The following NSMCE2 variants were observed in gnomAD, a reference collection of about 807,000 sequenced individuals.
NSMCE2 encodes the protein E3 SUMO-protein ligase NSE2.
A neutral mutation model predicts 23.8 loss-of-function variants in NSMCE2; 24 were observed. The observed-to-expected ratio is 1.01, with a 90% CI of 0.73 to 1.42. The LOEUF (loss-of-function observed/expected upper bound fraction) is 1.42, where lower values mean the gene tolerates loss of function less well. NSMCE2 is among the 40% of genes most tolerant of loss of function. The probability of loss-of-function intolerance (pLI) is 0.00; values close to 1 mark genes in which losing one functional copy is unlikely to be tolerated. For missense variants in NSMCE2, 284 were observed against 296.5 expected (o/e 0.96, Z 0.31); for synonymous variants, 92 against 94.1 (o/e 0.98, Z 0.13).
chr8:125,348,025 A>G (rs1020818806), intron 5 of NSMCE2, among the ~76,000 whole-genome samples: 8 of 152,248 alleles, frequency 5.3e-5, no homozygotes, highest in African/African-American at 1.9e-4. Flanking sequence ...TTCTCTCTCG[A>G]GACCTTCCTT....
intron 5 of NSMCE2, among the ~76,000 whole-genome samples, chr8:125,185,143 G>A (rs1426370045): frequency 2.6e-5 from 4 of 152,064 alleles, no homozygotes; most frequent in Admixed American, 2.6e-4. Context: ...GTGGGGAGAG[G>A]CCAAGATACA....
chr8:125,144,505 G>GAT (rs1308302572), intron 3 of NSMCE2, among the ~76,000 whole-genome samples: 1 of 152,180 alleles, frequency 6.6e-6, no homozygotes, highest in African/African-American at 2.4e-5. Context: ...ACTGGCGCCG[G>GAT]ATAAGCTCAT....
intron 5 of NSMCE2, among the ~76,000 whole-genome samples, chr8:125,249,288 T>A (rs1826113262): frequency 6.6e-6 from 1 of 152,222 alleles, no homozygotes; most frequent in Non-Finnish European, 1.5e-5. Context: ...AACAGGTTCC[T>A]TAAGATGAAT....
chr8:125,229,951 A>G (rs1825253194), intron 5 of NSMCE2, among the ~76,000 whole-genome samples: 1 of 152,138 alleles, frequency 6.6e-6, no homozygotes, highest in African/African-American at 2.4e-5. Flanking sequence ...TATATATTTT[A>G]AAAATTTAAT....
rs934462653 is a variant in NSMCE2 at position 125,351,560 on chromosome 8, G to A, written c.419-5659G>A. 4 of 152,010 alleles carry A rather than the reference G, an allele frequency of 2.6e-5. No homozygotes were observed. In the East Asian group the frequency reaches 5.8e-4, roughly 22 times the overall value. The allele number at this position is 152,010 out of a possible 1,614,324, so 9.4% of individuals were successfully genotyped here. On this transcript the variant is annotated intron_variant, in intron 5 of 7. Coordinates refer to ENST00000287437, the MANE Select transcript of NSMCE2 (RefSeq NM_173685.4). The stretch of plus-strand genomic sequence containing the variant: ...GCCGGCATATGCTTCTAACAACATC[G>A]TCTATGTATATAGAAAATAATATGA...
chr8:125,330,209 C>G (rs1353510640), intron 5 of NSMCE2, among the ~76,000 whole-genome samples: 6 of 132,262 alleles, frequency 4.5e-5, no homozygotes, highest in Admixed American at 2.7e-4. Context: ...GACAGTCTCT[C>G]TCTGTCACCC....
chr8:125,252,714 AAATC>A (rs1051189907), intron 5 of NSMCE2, among the ~76,000 whole-genome samples: 16 of 152,256 alleles, frequency 1.1e-4, no homozygotes, highest in Non-Finnish European at 2.1e-4. Context: ...GATGGTTTAA[AAATC>A]AATCATGCTT....
At chr8:125,356,325 G>GTTTTTTTTTTTTTTTTTT (rs1563803250) in intron 5 of NSMCE2, among the ~76,000 whole-genome samples, 1 of 125,160 alleles carries the variant, frequency 8.0e-6, no homozygotes, top group African/African-American at 2.8e-5. Flanking sequence ...TTAATTTTTT[G>GTTTTTTTTTTTTTTTTTT]GTTTTTTTTT....
intron 5 of NSMCE2, among the ~76,000 whole-genome samples, chr8:125,192,761 C>T (rs758815090): frequency 6.6e-6 from 1 of 152,166 alleles, no homozygotes; most frequent in Admixed American, 6.5e-5. Context: ...ATGGATTCTA[C>T]CCACTCTGGC....
intron 3 of NSMCE2, chr8:125,130,355 G>C (rs904302629): frequency 2.2e-6 from 1 of 445,316 alleles, no homozygotes; most frequent in Admixed American, 2.4e-5. Flanking sequence ...TACTGGAAAG[G>C]TACTTTTTTC....
intron 5 of NSMCE2, among the ~76,000 whole-genome samples, chr8:125,272,743 A>G (rs1827260403): frequency 1.5e-5 from 2 of 136,330 alleles, no homozygotes; most frequent in African/African-American, 5.5e-5. Context: ...ACACACACAT[A>G]TATATACACA....
chr8:125,257,238 T>G (rs1201265765), intron 5 of NSMCE2, among the ~76,000 whole-genome samples: 1 of 151,018 alleles, frequency 6.6e-6, no homozygotes, highest in Non-Finnish European at 1.5e-5. Flanking sequence ...GAGCTGAGAT[T>G]GTGTCACTGC....
chr8:125,210,882 C>T (rs777267297), intron 5 of NSMCE2, among the ~76,000 whole-genome samples: 2 of 151,990 alleles, frequency 1.3e-5, no homozygotes. Context: ...CAATATGCCA[C>T]TATGCCCGGC....
intron 5 of NSMCE2, among the ~76,000 whole-genome samples, chr8:125,340,022 T>TTG (rs1003803958): frequency 1.4e-5 from 2 of 144,084 alleles, no homozygotes; most frequent in East Asian, 4.0e-4. Flanking sequence ...GTTTTTTTTT[T>TTG]TTTTTTTTTT....
chr8:125,211,692 A>C (rs1270881217), intron 5 of NSMCE2, among the ~76,000 whole-genome samples: 1 of 152,244 alleles, frequency 6.6e-6, no homozygotes, highest in East Asian at 1.9e-4. Flanking sequence ...ATTAATCTAC[A>C]ACCCCATCAA....
At chr8:125,155,036 C>T (rs1420707944) in intron 4 of NSMCE2, among the ~76,000 whole-genome samples, 1 of 152,144 alleles carries the variant, frequency 6.6e-6, no homozygotes, top group Non-Finnish European at 1.5e-5. Context: ...AGCCATGTGC[C>T]AGGCACTTCT....
chr8:125,206,010 T>G (rs1195789561), intron 5 of NSMCE2, among the ~76,000 whole-genome samples: 3 of 152,228 alleles, frequency 2.0e-5, no homozygotes, highest in African/African-American at 7.2e-5. Context: ...GAGATTTCTG[T>G]GTGATGTTCA....
chr8:125,268,726 G>A (rs908237581), intron 5 of NSMCE2, among the ~76,000 whole-genome samples: 2 of 152,194 alleles, frequency 1.3e-5, no homozygotes, highest in African/African-American at 4.8e-5. Flanking sequence ...TGCCCTGGGA[G>A]GAATGGCCTG....
chr8:125,318,172 C>G (rs1329396564), intron 5 of NSMCE2, among the ~76,000 whole-genome samples: 1 of 152,184 alleles, frequency 6.6e-6, no homozygotes, highest in Non-Finnish European at 1.5e-5. Context: ...ACTTCAGGAG[C>G]CTGAGGCAGG....
Sources: gnomAD v4.1 joint callset for allele counts (sites outside exome capture counted in the v4.1 genomes callset) on GRCh38, gnomAD v4.1.1 for gene constraint, MANE v1.5 for transcripts, NCBI Gene and HGNC (gene_info 2026-07-23, HGNC 2026-07-21) for gene names.